ST6GALNAC3: variants seen among roughly 807,000 people sequenced by gnomAD.
ST6GALNAC3 encodes ST6 N-acetylgalactosaminide alpha-2,6-sialyltransferase 3.
In ST6GALNAC3, 25 loss-of-function variants were observed where a neutral mutation model predicts 32.7. That is an observed-to-expected ratio of 0.76 (90% CI 0.56 to 1.07). The LOEUF is 1.07. ST6GALNAC3 is among the 50% of genes least tolerant of loss of function. ST6GALNAC3 has a pLI of 0.00. For missense variants in ST6GALNAC3, 355 were observed against 382.4 expected (o/e 0.93, Z 0.60); for synonymous variants, 129 against 133.1 (o/e 0.97, Z 0.21).
chr1:76,512,186 A>G (rs561154921), intron 3 of ST6GALNAC3, among the ~76,000 whole-genome samples: 20 of 152,106 alleles, frequency 1.3e-4, no homozygotes, highest in Admixed American at 6.5e-4. Context: ...TTTGATTTTT[A>G]TGGGGGAAAA....
At chr1:76,311,952 G>C (rs951153297) in intron 1 of ST6GALNAC3, among the ~76,000 whole-genome samples, 14 of 152,154 alleles carry the variant, frequency 9.2e-5, no homozygotes, top group African/African-American at 3.4e-4. Context: ...GTTGTTTCCT[G>C]ACTTTTTAAT....
At chr1:76,201,024 C>T (rs780989345) in intron 1 of ST6GALNAC3, among the ~76,000 whole-genome samples, 1 of 150,124 alleles carries the variant, frequency 6.7e-6, no homozygotes, top group Non-Finnish European at 1.5e-5. Flanking sequence ...GATAGTAATA[C>T]AAAACAAATT....
chr1:76,335,401 C>T (rs927634882), intron 2 of ST6GALNAC3, among the ~76,000 whole-genome samples: 2 of 151,294 alleles, frequency 1.3e-5, no homozygotes, highest in African/African-American at 4.9e-5. Context: ...AGTAACCAGC[C>T]TGGGACAGGA....
chr1:76,594,740 T>C (rs1647105515), intron 3 of ST6GALNAC3, among the ~76,000 whole-genome samples: 1 of 152,168 alleles, frequency 6.6e-6, no homozygotes, highest in South Asian at 2.1e-4. Flanking sequence ...ACCACTTAAT[T>C]AGCCTGAATG....
At chr1:76,303,830 A>T (rs1317751602) in intron 1 of ST6GALNAC3, among the ~76,000 whole-genome samples, 1 of 152,030 alleles carries the variant, frequency 6.6e-6, no homozygotes, top group East Asian at 1.9e-4. Flanking sequence ...TCTATCAGGA[A>T]CTTCAAAGCA....
intron 3 of ST6GALNAC3, among the ~76,000 whole-genome samples, chr1:76,464,789 G>A (rs75587693): frequency 0.017 from 2,569 of 152,230 alleles, 73 homozygotes; most frequent in African/African-American, 0.056. Flanking sequence ...TATAGACAGA[G>A]AAGCTGGGAG....
Position 76,353,925 on chromosome 1 carries a change from G to A in ST6GALNAC3, c.213+39926G>A, listed in dbSNP as rs147728319. 6.6e-3 allele frequency: 1,130 copies of A among 172,182 alleles called. 35 individuals carry two copies. Among genetic ancestry groups the A allele is most frequent in the Admixed American group, 0.061 (1,055 of 17,234 alleles). 10.7% of individuals were successfully genotyped at this position (172,182 alleles called of 1,614,324 possible). On this transcript the variant is annotated intron_variant, in intron 2 of 4. Coordinates refer to ENST00000328299, the MANE Select transcript of ST6GALNAC3 (RefSeq NM_152996.4). ...AAGCAGGTGGGTCTTTGACAGTTGGGGTGAAAGCCCCAGGGATTCTAAACA... is the reference window on the plus strand; with the variant it reads ...AAGCAGGTGGGTCTTTGACAGTTGGAGTGAAAGCCCCAGGGATTCTAAACA...
At chr1:76,260,973 TACAC>T (rs59946768) in intron 1 of ST6GALNAC3, among the ~76,000 whole-genome samples, 6,447 of 146,176 alleles carry the variant, frequency 0.044, 375 homozygotes, top group African/African-American at 0.14. Flanking sequence ...GAGGTTTTGA[TACAC>T]ACACACACAC....
chr1:76,148,253 C>T (rs1650815642), intron 1 of ST6GALNAC3, among the ~76,000 whole-genome samples: 1 of 152,100 alleles, frequency 6.6e-6, no homozygotes, highest in Non-Finnish European at 1.5e-5. Context: ...TTTTTATTTC[C>T]CCAAAGTTTC....
intron 1 of ST6GALNAC3, among the ~76,000 whole-genome samples, chr1:76,217,513 C>A (rs12073910): frequency 0.61 from 92,489 of 151,890 alleles, 31,843 homozygotes; most frequent in East Asian, 0.88. Context: ...AACACAACTT[C>A]TTCTTATTAT....
chr1:76,374,001 G>T (rs899895655), intron 2 of ST6GALNAC3, among the ~76,000 whole-genome samples: 2 of 152,112 alleles, frequency 1.3e-5, no homozygotes, highest in African/African-American at 2.4e-5. Context: ...AGGGTCCACA[G>T]CTGAATTTCT....
chr1:76,225,342 G>A (rs2100617979), intron 1 of ST6GALNAC3, among the ~76,000 whole-genome samples: 1 of 152,194 alleles, frequency 6.6e-6, no homozygotes, highest in South Asian at 2.1e-4. Context: ...TTAGCTTATG[G>A]CTTGGTCCCT....
chr1:76,226,462 A>G (rs1009481098), intron 1 of ST6GALNAC3, among the ~76,000 whole-genome samples: 6 of 152,202 alleles, frequency 3.9e-5, no homozygotes, highest in African/African-American at 1.4e-4. Flanking sequence ...TTTATCAGTG[A>G]TGGCAAATGG....
chr1:76,101,359 G>T (rs1647220553), intron 1 of ST6GALNAC3, among the ~76,000 whole-genome samples: 1 of 152,046 alleles, frequency 6.6e-6, no homozygotes, highest in South Asian at 2.1e-4. Flanking sequence ...TTTTAGCACT[G>T]AACAATATTT....
intron 1 of ST6GALNAC3, among the ~76,000 whole-genome samples, chr1:76,123,974 C>T (rs1239935506): frequency 1.3e-5 from 2 of 152,054 alleles, no homozygotes; most frequent in Admixed American, 1.3e-4. Context: ...TGGTCTCCAA[C>T]TCTTGACCTC....
chr1:76,316,722 A>G (rs1646873904), intron 2 of ST6GALNAC3, among the ~76,000 whole-genome samples: 1 of 152,128 alleles, frequency 6.6e-6, no homozygotes, highest in Admixed American at 6.6e-5. Flanking sequence ...TGGAGGTTAC[A>G]CAGATGTTCA....
chr1:76,614,700 C>A (rs1648166047), intron 3 of ST6GALNAC3, among the ~76,000 whole-genome samples: 1 of 125,962 alleles, frequency 7.9e-6, no homozygotes, highest in African/African-American at 3.4e-5. Flanking sequence ...GCCTGGGTGA[C>A]AGAGCGAGAC....
chr1:76,133,483 C>G (rs1649745411), intron 1 of ST6GALNAC3, among the ~76,000 whole-genome samples: 1 of 152,186 alleles, frequency 6.6e-6, no homozygotes, highest in Middle Eastern at 3.2e-3. Flanking sequence ...CCCCCTGTCT[C>G]TCCACCATAT....
chr1:76,497,217 T>G (rs180893128), intron 3 of ST6GALNAC3, among the ~76,000 whole-genome samples: 2 of 152,214 alleles, frequency 1.3e-5, no homozygotes, highest in African/African-American at 4.8e-5. Flanking sequence ...AAAAGACTCT[T>G]GAATCTTGGT....
Sources: allele counts gnomAD v4.1 joint callset (sites outside exome capture counted in the v4.1 genomes callset), GRCh38; gene constraint gnomAD v4.1.1; transcripts MANE v1.5; gene names NCBI Gene and HGNC (gene_info 2026-07-23, HGNC 2026-07-21).